The following CANX variants were observed in gnomAD, a reference collection of about 807,000 sequenced individuals.
CANX encodes the protein calnexin.
In CANX, 14 loss-of-function variants were observed where a neutral mutation model predicts 75.7. That is an observed-to-expected ratio of 0.19 (90% CI 0.12 to 0.29). CANX has a LOEUF of 0.29. CANX is among the 10% of genes least tolerant of loss of function. CANX has a pLI of 1.00. For missense variants in CANX, 567 were observed against 713.2 expected, an observed-to-expected ratio of 0.79 and a Z score of 2.34; for synonymous variants, 227 against 236.9, an observed-to-expected ratio of 0.96 and a Z score of 0.38.
intron 8 of CANX, among the ~76,000 whole-genome samples, chr5:179,717,487 G>A (rs1408958731): frequency 1.3e-5 from 2 of 152,062 alleles, no homozygotes; most frequent in African/African-American, 4.8e-5. Flanking sequence ...TCTCTGTCCA[G>A]TTTCTTTCAT....
chr5:179,699,375 T>A (rs1215381963), intron 1 of CANX, among the ~76,000 whole-genome samples: 3 of 152,154 alleles, frequency 2.0e-5, no homozygotes, highest in Non-Finnish European at 4.4e-5. Flanking sequence ...GCTGACTTAT[T>A]CCTATGGCTT....
chr5:179,694,719 G>A, upstream of CANX: 2 of 688,626 alleles, frequency 2.9e-6, no homozygotes, highest in Non-Finnish European at 5.3e-6. Flanking sequence ...CTGGAAAAAG[G>A]TGGAAGAGGA....
At chr5:179,726,426 G>A (rs1581905515) in intron 13 of CANX, among the ~76,000 whole-genome samples, 1 of 151,642 alleles carries the variant, frequency 6.6e-6, no homozygotes, top group African/African-American at 2.4e-5. Flanking sequence ...AATAAAAAAA[G>A]TTAGCCGGGC....
At chr5:179,687,614 C>T (rs892821987) in intron 1 of CANX, among the ~76,000 whole-genome samples, 1 of 152,180 alleles carries the variant, frequency 6.6e-6, no homozygotes, top group Admixed American at 6.6e-5. Context: ...CATGAAGACA[C>T]TCAAGAGCTT....
chr5:179,706,314 C>G lies in CANX; in HGVS notation c.228C>G (p.Asp76Glu). The G allele has an allele frequency of 6.3e-7, 1 of 1,587,806 alleles. No individual in the cohort carries two copies. The highest frequency in any genetic ancestry group is 8.6e-7 in the Non-Finnish European group (1 of 1,157,392). ...TGEVYFADSF[D>E]RGTLSGWILS... Reference sequence around the variant, plus strand: ...AAGTATATTTTGCTGATTCTTTTGACAGAGGAACTCTGTCAGGGTAAGTGT... The same window carrying G: ...AAGTATATTTTGCTGATTCTTTTGAGAGAGGAACTCTGTCAGGGTAAGTGT... The change falls in exon 3 of 15, where the codon GAC becomes GAG. Residue 76 changes from aspartate (D) to glutamate (E), a missense_variant. Coordinates refer to ENST00000247461, the MANE Select transcript of CANX (RefSeq NM_001746.4).
chr5:179,708,891 C>T (rs1581857526), intron 5 of CANX, 87 bp from the exon 6 acceptor site: 3 of 704,728 alleles, frequency 4.3e-6, no homozygotes, highest in East Asian at 2.6e-5. Context: ...TAAAACGTGA[C>T]TAAGATGAGG....
At chr5:179,710,881 C>T (rs548335842) in intron 7 of CANX, among the ~76,000 whole-genome samples, 100 of 151,118 alleles carry the variant, frequency 6.6e-4, no homozygotes, top group Non-Finnish European at 1.2e-3. Flanking sequence ...GGTAAAACCC[C>T]GTCTCTACTA....
intron 7 of CANX, among the ~76,000 whole-genome samples, chr5:179,713,336 T>A (rs2113197360): frequency 6.6e-6 from 1 of 152,288 alleles, no homozygotes; most frequent in East Asian, 1.9e-4. Context: ...CCTCCCAAAG[T>A]GCTAGGATTA....
chr5:179,702,828 C>T (rs551607788), intron 1 of CANX, among the ~76,000 whole-genome samples: 1 of 152,240 alleles, frequency 6.6e-6, no homozygotes, highest in East Asian at 1.9e-4. Flanking sequence ...AGTGCAGTGG[C>T]GTGATTTCAA....
At chr5:179,682,759 CAA>C (rs1776102065) in intron 1 of CANX, among the ~76,000 whole-genome samples, 1 of 134,890 alleles carries the variant, frequency 7.4e-6, no homozygotes, top group African/African-American at 2.8e-5. Context: ...GTGAAGAAAA[CAA>C]ACCAGGGAAA....
intron 10 of CANX, 74 bp downstream of exon 10, chr5:179,720,634 G>A: frequency 2.2e-6 from 3 of 1,383,176 alleles, no homozygotes; most frequent in Non-Finnish European, 2.0e-6. Flanking sequence ...TCTAGAGTAA[G>A]GCTGCCAGGT....
intron 1 of CANX, among the ~76,000 whole-genome samples, chr5:179,692,191 C>T (rs112929966): frequency 1.3e-5 from 2 of 152,186 alleles, no homozygotes; most frequent in East Asian, 3.9e-4. Flanking sequence ...TCTCCTGCCT[C>T]AGCCTCCCAA....
chr5:179,716,809 A>C (rs1460701270), intron 8 of CANX, among the ~76,000 whole-genome samples: 4 of 152,220 alleles, frequency 2.6e-5, no homozygotes, highest in African/African-American at 9.6e-5. Context: ...AAGGTGCCAC[A>C]GGAGACCAGA....
At chr5:179,699,799 G>A (rs962308229) in intron 1 of CANX, 1 of 152,230 alleles carries the variant, frequency 6.6e-6, no homozygotes, top group Admixed American at 6.5e-5. Flanking sequence ...AAGGTCATGC[G>A]ATTAGTGTAC....
At chr5:179,703,620 A>G (rs1776919683) in intron 1 of CANX, among the ~76,000 whole-genome samples, 1 of 149,790 alleles carries the variant, frequency 6.7e-6, no homozygotes, top group East Asian at 2.0e-4. Flanking sequence ...TCTTTTTTTG[A>G]TTTTTTGTAG....
chr5:179,722,952 G>T lies in CANX; in HGVS notation c.1331G>T (p.Arg444Leu), dbSNP rs771656553. Residue 444 changes from arginine (R) to leucine (L), a missense_variant, in exon 11 of 15, where the codon CGA becomes CTA. Coordinates refer to ENST00000247461, the MANE Select transcript of CANX (RefSeq NM_001746.4). ...FFDNFIICADRRIVDDWANDG... is the reference protein window; with the variant it reads ...FFDNFIICADLRIVDDWANDG... ...GACAACTTTATCATTTGTGCTGATC[G>T]AAGAATAGTTGATGATTGGGCCAAT... 6.2e-7 allele frequency: 1 copy of T among 1,614,018 alleles called. No individual in the cohort carries two copies. The highest frequency in any genetic ancestry group is 8.5e-7 in the Non-Finnish European group (1 of 1,180,032).
chr5:179,678,712 C>T lies in CANX; in HGVS notation c.-69C>T, dbSNP rs1472229359. 12 of 1,536,870 alleles carry T rather than the reference C, an allele frequency of 7.8e-6. No individual in the cohort carries two copies. The East Asian group carries it at 2.0e-4, about 25-fold the overall frequency. The stretch of plus-strand genomic sequence containing the variant: ...TCACCTCGGGGTTGCGCTGCTTCTC[C>T]AGCAAGTGCATGCGCGCCATGGTCT... On this transcript the variant is annotated 5_prime_UTR_variant, in exon 1 of 15. Transcript: ENST00000681674.
chr5:179,680,948 C>A, intron 1 of CANX: 2 of 1,531,870 alleles, frequency 1.3e-6, no homozygotes, highest in South Asian at 1.2e-5. Flanking sequence ...TGTATCTTCT[C>A]GGAGGATGTT....
chr5:179,715,188 C>T (rs1777852038), intron 7 of CANX, among the ~76,000 whole-genome samples: 1 of 152,178 alleles, frequency 6.6e-6, no homozygotes, highest in Non-Finnish European at 1.5e-5. Context: ...TATTAGATAT[C>T]TAGGTGTGGA....
Sources: gnomAD v4.1 joint callset for allele counts (sites outside exome capture counted in the v4.1 genomes callset) on GRCh38, gnomAD v4.1.1 for gene constraint, MANE v1.5 for transcripts, NCBI Gene and HGNC (gene_info 2026-07-23, HGNC 2026-07-21) for gene names.